ARHGAP42: variants seen among roughly 807,000 people sequenced by gnomAD.
The protein encoded by ARHGAP42 is Rho GTPase activating protein 42.
ARHGAP42 carries 63 observed loss-of-function variants against 125.0 expected under a neutral mutation model. That is an observed-to-expected ratio of 0.50 (90% confidence interval 0.41 to 0.62). The LOEUF (loss-of-function observed/expected upper bound fraction) is 0.62, where lower values mean the gene tolerates loss of function less well. Ranked by LOEUF, ARHGAP42 falls within the 20% of genes least tolerant of loss-of-function variation. The probability of loss-of-function intolerance (pLI) is 0.00; values close to 1 mark genes in which losing one functional copy is unlikely to be tolerated. For missense variants in ARHGAP42, 766 were observed against 1,024.2 expected (o/e 0.75, Z 3.44); for synonymous variants, 339 against 351.0 (o/e 0.97, Z 0.38).
intron 1 of ARHGAP42, among the ~76,000 whole-genome samples, chr11:100,767,070 C>T (rs1862845990): frequency 6.6e-6 from 1 of 152,152 alleles, no homozygotes; most frequent in African/African-American, 2.4e-5. Flanking sequence ...AAACTGCTAT[C>T]AACAGATTGT....
chr11:100,806,833 G>GTTTATTTA (rs375304573), intron 3 of ARHGAP42, among the ~76,000 whole-genome samples: 8,078 of 129,696 alleles, frequency 0.062, 231 homozygotes, highest in East Asian at 0.19. Context: ...TTGTTTGTTT[G>GTTTATTTA]TTTGTTTATT....
At chr11:100,986,549 C>T (rs937742861) in intron 22 of ARHGAP42, among the ~76,000 whole-genome samples, 2 of 152,126 alleles carry the variant, frequency 1.3e-5, no homozygotes, top group African/African-American at 4.8e-5. Flanking sequence ...CATTTTAAAG[C>T]TGCCCTCTGG....
At chr11:100,856,462 G>A (rs1207635318) in intron 3 of ARHGAP42, among the ~76,000 whole-genome samples, 1 of 152,048 alleles carries the variant, frequency 6.6e-6, no homozygotes. Flanking sequence ...AGGCTCACAA[G>A]CAGCCAAATT....
chr11:100,859,169 A>G (rs1270440682), intron 3 of ARHGAP42, among the ~76,000 whole-genome samples: 3 of 152,062 alleles, frequency 2.0e-5, no homozygotes, highest in Non-Finnish European at 4.4e-5. Context: ...AAAATGGAAG[A>G]GCTTTTATAT....
intron 1 of ARHGAP42, among the ~76,000 whole-genome samples, chr11:100,748,492 T>G (rs1360260433): frequency 2.0e-5 from 3 of 152,236 alleles, no homozygotes; most frequent in Non-Finnish European, 4.4e-5. Context: ...TGGTTAATGT[T>G]AAATCATCTT....
At chr11:100,705,070 T>G (rs1350167158) in intron 1 of ARHGAP42, among the ~76,000 whole-genome samples, 1 of 151,860 alleles carries the variant, frequency 6.6e-6, no homozygotes, top group Non-Finnish European at 1.5e-5. Flanking sequence ...CTGTTCCTAC[T>G]TTAAGTCCTT....
intron 1 of ARHGAP42, among the ~76,000 whole-genome samples, chr11:100,755,748 A>G (rs1862559193): frequency 6.6e-6 from 1 of 152,214 alleles, no homozygotes; most frequent in African/African-American, 2.4e-5. Context: ...CATGAATGAA[A>G]AACTAAGAGA....
chr11:100,864,188 T>C (rs867232154), intron 4 of ARHGAP42, among the ~76,000 whole-genome samples: 32 of 116,260 alleles, frequency 2.8e-4, no homozygotes, highest in Non-Finnish European at 2.9e-4. Flanking sequence ...TGTCTGAGGA[T>C]TTTTTTTTTT....
intron 3 of ARHGAP42, among the ~76,000 whole-genome samples, chr11:100,827,002 C>CTTTTTTT (rs869260353): frequency 3.6e-4 from 29 of 80,878 alleles, no homozygotes; most frequent in South Asian, 5.1e-4. Context: ...GCCTTACATC[C>CTTTTTTT]TTTTTTTTTT....
intron 1 of ARHGAP42, among the ~76,000 whole-genome samples, chr11:100,736,231 C>T (rs1457266790): frequency 2.0e-5 from 3 of 152,152 alleles, no homozygotes; most frequent in Non-Finnish European, 4.4e-5. Context: ...ATAGAGAATT[C>T]TCATCATTTT....
chr11:100,984,426 CT>C (rs1318823781), intron 22 of ARHGAP42, among the ~76,000 whole-genome samples: 1 of 150,460 alleles, frequency 6.6e-6, no homozygotes, highest in African/African-American at 2.4e-5. Flanking sequence ...GCTTTAGTAT[CT>C]TTCTACCTCC....
At chr11:100,971,231 A>G (rs572494844) in intron 17 of ARHGAP42, among the ~76,000 whole-genome samples, 6 of 152,202 alleles carry the variant, frequency 3.9e-5, no homozygotes, top group African/African-American at 1.2e-4. Context: ...ATGGTTTTAA[A>G]TAATAATTTT....
At chr11:100,750,093 C>T (rs1305932344) in intron 1 of ARHGAP42, among the ~76,000 whole-genome samples, 1 of 152,126 alleles carries the variant, frequency 6.6e-6, no homozygotes, top group Non-Finnish European at 1.5e-5. Context: ...CAGAGACTGC[C>T]CCCCAGAGGG....
chr11:100,835,400 G>A (rs1591222286), intron 3 of ARHGAP42, among the ~76,000 whole-genome samples: 1 of 152,208 alleles, frequency 6.6e-6, no homozygotes, highest in East Asian at 1.9e-4. Context: ...AGGTGTCCTT[G>A]ACTTTGTACC....
At chr11:100,840,864 G>C (rs1445522585) in intron 3 of ARHGAP42, among the ~76,000 whole-genome samples, 2 of 152,142 alleles carry the variant, frequency 1.3e-5, no homozygotes, top group African/African-American at 2.4e-5. Context: ...CTTCAGGTCA[G>C]CTAGGTAAAA....
At chr11:100,895,736 G>C (rs558572242) in intron 4 of ARHGAP42, among the ~76,000 whole-genome samples, 56 of 152,138 alleles carry the variant, frequency 3.7e-4, no homozygotes, top group Non-Finnish European at 7.2e-4. Flanking sequence ...ATTGCTAGGA[G>C]ACAGGGAATT....
At chr11:100,943,895 T>G in intron 10 of ARHGAP42, 27 bp downstream of exon 10, 2 of 1,412,206 alleles carry the variant, frequency 1.4e-6, no homozygotes, top group East Asian at 2.5e-5. Context: ...TCACTTTATT[T>G]TTTTCATAAG....
intron 3 of ARHGAP42, among the ~76,000 whole-genome samples, chr11:100,852,326 AAT>A (rs1186624224): frequency 3.9e-5 from 6 of 152,362 alleles, no homozygotes; most frequent in Non-Finnish European, 1.5e-5. Context: ...ATTGCTATAA[AAT>A]ATGACTGGGA....
At chr11:100,977,399 C>T (rs1195683024) in intron 21 of ARHGAP42, among the ~76,000 whole-genome samples, 3 of 152,148 alleles carry the variant, frequency 2.0e-5, no homozygotes, top group Non-Finnish European at 4.4e-5. Context: ...TTCCATCCTA[C>T]GCCCGCATAC....
Sources: allele counts gnomAD v4.1 joint callset (sites outside exome capture counted in the v4.1 genomes callset), GRCh38; gene constraint gnomAD v4.1.1; transcripts MANE v1.5; gene names NCBI Gene and HGNC (gene_info 2026-07-23, HGNC 2026-07-21).